GPC6: variants seen among roughly 807,000 people sequenced by gnomAD.
GPC6 encodes glypican-6.
In GPC6, 14 loss-of-function variants were observed where a neutral mutation model predicts 55.2. The ratio of observed to expected loss-of-function variants is 0.25; its 90% CI spans 0.17 to 0.40. The LOEUF (loss-of-function observed/expected upper bound fraction) is 0.40. GPC6 is among the 10% of genes least tolerant of loss of function. The pLI, the probability that GPC6 is intolerant of heterozygous loss-of-function variation, is 1.00. For synonymous variants in GPC6, 278 were observed against 259.6 expected (o/e 1.07, Z -0.68); for missense variants, 641 against 708.5 (o/e 0.90, Z 1.08).
chr13:93,285,659 TG>T (rs1229225167), intron 1 of GPC6, among the ~76,000 whole-genome samples: 1 of 151,474 alleles, frequency 6.6e-6, no homozygotes, highest in African/African-American at 2.4e-5. Flanking sequence ...TGTGTGTGTG[TG>T]TGTATGTGTT....
intron 3 of GPC6, among the ~76,000 whole-genome samples, chr13:93,871,747 C>T (rs1025934557): frequency 7.9e-5 from 12 of 151,948 alleles, no homozygotes; most frequent in Admixed American, 3.3e-4. Context: ...TGTAAGTCAC[C>T]ATTACCAGTA....
chr13:93,251,307 T>C (rs1876779076), intron 1 of GPC6, among the ~76,000 whole-genome samples: 1 of 152,164 alleles, frequency 6.6e-6, no homozygotes, highest in Non-Finnish European at 1.5e-5. Context: ...CTGCCACATT[T>C]AGAGACTTCT....
At chr13:94,368,722 G>C (rs962964662) in intron 6 of GPC6, among the ~76,000 whole-genome samples, 2 of 152,128 alleles carry the variant, frequency 1.3e-5, no homozygotes, top group Admixed American at 6.5e-5. Context: ...TGTGTTTCCC[G>C]AGGGAGTGAG....
At chr13:93,420,750 A>T (rs1876892614) in intron 1 of GPC6, among the ~76,000 whole-genome samples, 1 of 152,172 alleles carries the variant, frequency 6.6e-6, no homozygotes, top group Non-Finnish European at 1.5e-5. Context: ...CCAGTCAACA[A>T]AAATTCACTG....
At chr13:93,395,562 T>G (rs1214729627) in intron 1 of GPC6, 7 of 167,024 alleles carry the variant, frequency 4.2e-5, no homozygotes, top group Non-Finnish European at 7.7e-5. Flanking sequence ...TTCTTCACAG[T>G]TAAATGGGCA....
chr13:94,236,612 A>G lies in GPC6; in HGVS notation c.878-49737A>G, dbSNP rs572188941. Among the ~76,000 whole-genome samples the G allele has an allele frequency of 3.9e-5, 6 of 152,322 alleles. No homozygotes were observed. In the South Asian group the frequency reaches 1.2e-3, roughly 32 times the overall value. On this transcript the variant is annotated intron_variant, in intron 4 of 8. Transcript: ENST00000377047. ...TAAGAATATAAACCAAGGTGAGGCG[A>G]TCAGGGAAAACTTTAAAATGAAAGT...
At chr13:93,613,835 C>T (rs1014808618) in intron 2 of GPC6, among the ~76,000 whole-genome samples, 3 of 152,130 alleles carry the variant, frequency 2.0e-5, no homozygotes, top group Admixed American at 6.6e-5. Context: ...GATGTCACTT[C>T]GTAGAGGGCC....
intron 1 of GPC6, among the ~76,000 whole-genome samples, chr13:93,291,844 A>G (rs1181971360): frequency 6.6e-6 from 1 of 152,146 alleles, no homozygotes; most frequent in Non-Finnish European, 1.5e-5. Flanking sequence ...TTTAACTTGG[A>G]AAAGACATCA....
chr13:93,630,559 G>T (rs1488448922), intron 2 of GPC6, among the ~76,000 whole-genome samples: 1 of 152,036 alleles, frequency 6.6e-6, no homozygotes, highest in Non-Finnish European at 1.5e-5. Flanking sequence ...AATAGTGTAG[G>T]AGTTCTTCAG....
chr13:93,453,951 A>T (rs141904226), intron 1 of GPC6, among the ~76,000 whole-genome samples: 4 of 152,080 alleles, frequency 2.6e-5, no homozygotes, highest in African/African-American at 7.2e-5. Context: ...CCCCACCCAC[A>T]TCCTGCTGAT....
intron 2 of GPC6, among the ~76,000 whole-genome samples, chr13:93,700,508 G>C (rs534535097): frequency 1.1e-4 from 16 of 152,184 alleles, no homozygotes; most frequent in African/African-American, 3.9e-4. Context: ...CTAAAAGGGG[G>C]CCCAAGTGAT....
chr13:94,007,470 A>G (rs1259099539), intron 3 of GPC6, among the ~76,000 whole-genome samples: 1 of 152,174 alleles, frequency 6.6e-6, no homozygotes, highest in African/African-American at 2.4e-5. Context: ...TGGGTGACAC[A>G]CTGTTGCTGC....
chr13:93,961,998 A>T (rs901163665), intron 3 of GPC6, among the ~76,000 whole-genome samples: 2 of 152,182 alleles, frequency 1.3e-5, no homozygotes, highest in African/African-American at 4.8e-5. Flanking sequence ...TTCACCAAAC[A>T]TGTTACATAA....
chr13:94,335,957 G>A (rs907808110), intron 6 of GPC6, among the ~76,000 whole-genome samples: 1 of 151,360 alleles, frequency 6.6e-6, no homozygotes, highest in African/African-American at 2.4e-5. Context: ...AGGGTGTAGA[G>A]AGGAGAGTCA....
intron 6 of GPC6, among the ~76,000 whole-genome samples, chr13:94,339,443 C>T (rs912552013): frequency 3.9e-5 from 6 of 152,166 alleles, no homozygotes; most frequent in Non-Finnish European, 7.3e-5. Flanking sequence ...TAACTTATCT[C>T]TTTGACTGCT....
At chr13:93,751,628 C>G (rs1884595300) in intron 2 of GPC6, among the ~76,000 whole-genome samples, 1 of 151,906 alleles carries the variant, frequency 6.6e-6, no homozygotes, top group South Asian at 2.1e-4. Flanking sequence ...TTCAAGGGAT[C>G]GTCCCTCCTC....
chr13:93,641,627 C>G lies in GPC6; in HGVS notation c.319+96206C>G, dbSNP rs150617177. Among the ~76,000 whole-genome samples the G allele has an allele frequency of 2.0e-4, 31 of 152,026 alleles. 1 individual carries two copies. In the East Asian group the frequency reaches 3.7e-3, roughly 18 times the overall value. On this transcript the variant is annotated intron_variant, in intron 2 of 8. Transcript: ENST00000377047. ...GCTTTCTCACAGTCTTGGGTTGGAC[C>G]CTTCACCTCACCAGAGGAGGGCCTG...
intron 1 of GPC6, among the ~76,000 whole-genome samples, chr13:93,485,134 A>G (rs1248538105): frequency 6.6e-6 from 1 of 152,210 alleles, no homozygotes; most frequent in Non-Finnish European, 1.5e-5. Flanking sequence ...GGCTTTTTAA[A>G]GGAATTAATT....
intron 1 of GPC6, among the ~76,000 whole-genome samples, chr13:93,434,995 A>G (rs907815503): frequency 6.6e-6 from 1 of 152,196 alleles, no homozygotes; most frequent in African/African-American, 2.4e-5. Context: ...GTGAGCCACT[A>G]TGCCCAGCCT....
Sources: allele counts gnomAD v4.1 joint callset (sites outside exome capture counted in the v4.1 genomes callset), GRCh38; gene constraint gnomAD v4.1.1; transcripts MANE v1.5; gene names NCBI Gene and HGNC (gene_info 2026-07-23, HGNC 2026-07-21).